The following NAALADL2 variants were observed in gnomAD, a reference collection of about 807,000 sequenced individuals.
NAALADL2 encodes N-acetylated alpha-linked acidic dipeptidase like 2, also known as inactive N-acetylated-alpha-linked acidic dipeptidase-like protein 2.
A neutral mutation model predicts 87.2 loss-of-function variants in NAALADL2; 76 were observed. The ratio of observed to expected loss-of-function variants is 0.87; its 90% CI spans 0.72 to 1.05. The LOEUF (loss-of-function observed/expected upper bound fraction) is 1.05, where lower values mean the gene tolerates loss of function less well. Among genes scored for constraint, NAALADL2 ranks in the 50% least tolerant of loss-of-function variants. NAALADL2 has a pLI of 0.00. For synonymous variants in NAALADL2, 354 were observed against 331.0 expected (o/e 1.07, Z -0.75); for missense variants, 1,089 against 945.8 (o/e 1.15, Z -1.99).
At chr3:175,070,486 G>A (rs2109143962) in intron 1 of NAALADL2, among the ~76,000 whole-genome samples, 2 of 152,130 alleles carry the variant, frequency 1.3e-5, no homozygotes, top group Middle Eastern at 3.4e-3. Flanking sequence ...TAATCTTCTA[G>A]TGTTGCTTCA....
intron 2 of NAALADL2, among the ~76,000 whole-genome samples, chr3:174,658,105 T>C (rs879460639): frequency 1.3e-5 from 2 of 152,174 alleles, no homozygotes; most frequent in Non-Finnish European, 2.9e-5. Flanking sequence ...TTCAGTTTTT[T>C]GTGTAGTTGT....
intron 1 of NAALADL2, among the ~76,000 whole-genome samples, chr3:175,049,034 G>A (rs1233211128): frequency 1.3e-5 from 2 of 151,998 alleles, no homozygotes; most frequent in Non-Finnish European, 2.9e-5. Context: ...TTATCCATGG[G>A]GATACATCCT....
chr3:175,650,800 T>C (rs1412607499), intron 11 of NAALADL2, among the ~76,000 whole-genome samples: 1 of 152,164 alleles, frequency 6.6e-6, no homozygotes, highest in Non-Finnish European at 1.5e-5. Flanking sequence ...ATACTTGACA[T>C]CCAGATCATC....
chr3:175,510,940 T>C (rs1413086776), intron 9 of NAALADL2, among the ~76,000 whole-genome samples: 1 of 152,182 alleles, frequency 6.6e-6, no homozygotes, highest in Non-Finnish European at 1.5e-5. Context: ...CTTAGTACTC[T>C]ACAAATGTTA....
At chr3:174,769,819 A>T (rs1166178997) in intron 3 of NAALADL2, among the ~76,000 whole-genome samples, 2 of 151,714 alleles carry the variant, frequency 1.3e-5, no homozygotes, top group African/African-American at 2.4e-5. Flanking sequence ...ATTATTTTAA[A>T]AATAGCTACA....
chr3:175,186,139 T>G (rs902064057), intron 2 of NAALADL2, among the ~76,000 whole-genome samples: 1 of 152,130 alleles, frequency 6.6e-6, no homozygotes, highest in Non-Finnish European at 1.5e-5. Flanking sequence ...ACTTGAGTGA[T>G]GTACGACATA....
rs772447340 is a variant in NAALADL2 at position 174,794,981 on chromosome 3, C to CTTTTTTT, written c.-9+57256_-9+57262dup. ...TTAAAAGTTGAAACTTCTAGTCCAGCTTTTTTTTTTTTTTTTTTTTTTTTT... is the reference window on the plus strand; with the variant it reads ...TTAAAAGTTGAAACTTCTAGTCCAGCTTTTTTTTTTTTTTTTTTTTTTTTTTTTTTTT... On this transcript the variant is annotated intron_variant, in intron 3 of 3. Transcript: ENST00000434257. Among the ~76,000 whole-genome samples the CTTTTTTT allele has an allele frequency of 4.9e-3, 327 of 66,704 alleles. 53 individuals carry two copies. The highest frequency in any genetic ancestry group is 6.2e-3 in the Non-Finnish European group (224 of 36,340). The allele number at this position is 66,704 out of a possible 152,430, so 43.8% of individuals were successfully genotyped here.
In NAALADL2 at chr3:175,463,411, C is replaced by A; in HGVS notation, c.1245C>A (p.Val415=). The A allele has an allele frequency of 1.3e-6, 2 of 1,579,200 alleles. No individual in the cohort carries two copies. Among genetic ancestry groups the A allele is most frequent in the African/African-American group, 1.4e-5 (1 of 73,978 alleles). The change falls in exon 7 of 14, where the codon GTC becomes GTA. Residue 415 remains valine, a synonymous_variant. Transcript: ENST00000454872. ...TTTTTATTTTTTCAGAAATAAGAGT[C>A]GTCAGCATGCAAGTTCAGACAGTCA... The part of the protein sequence containing the change: ...SLELPNNEIR[V]VSMQVQTVTK...
At chr3:175,655,391 T>A (rs1731316074) in intron 11 of NAALADL2, 1 of 278,740 alleles carries the variant, frequency 3.6e-6, no homozygotes, top group African/African-American at 2.3e-5. Flanking sequence ...TTATTGGAAA[T>A]CTCTAAGAAA....
At chr3:175,321,327 G>T in intron 4 of NAALADL2, among the ~76,000 whole-genome samples, 1 of 116,980 alleles carries the variant, frequency 8.5e-6, no homozygotes, top group Non-Finnish European at 1.7e-5. Context: ...GGTATTGATG[G>T]GACGTATCTC....
At chr3:174,911,519 G>C (rs1175566959) in intron 1 of NAALADL2, among the ~76,000 whole-genome samples, 1 of 152,072 alleles carries the variant, frequency 6.6e-6, no homozygotes, top group Non-Finnish European at 1.5e-5. Context: ...GTGCCCCAGT[G>C]CACTGCCTGC....
intron 2 of NAALADL2, among the ~76,000 whole-genome samples, chr3:175,211,564 C>T (rs1401965773): frequency 6.6e-6 from 1 of 151,872 alleles, no homozygotes; most frequent in Non-Finnish European, 1.5e-5. Context: ...ATATGTTGGC[C>T]ATTCCTACAG....
chr3:175,180,917 T>A (rs1736370183), intron 2 of NAALADL2, among the ~76,000 whole-genome samples: 1 of 152,026 alleles, frequency 6.6e-6, no homozygotes, highest in African/African-American at 2.4e-5. Flanking sequence ...CAAAGTCACA[T>A]AGGTGATAGA....
intron 1 of NAALADL2, among the ~76,000 whole-genome samples, chr3:175,012,600 A>G (rs1204894618): frequency 1.3e-5 from 2 of 152,128 alleles, no homozygotes; most frequent in African/African-American, 4.8e-5. Flanking sequence ...CTTCTAGAAT[A>G]ATGTTGAAAA....
intron 2 of NAALADL2, among the ~76,000 whole-genome samples, chr3:174,557,193 T>A (rs1712937876): frequency 6.6e-6 from 1 of 152,212 alleles, no homozygotes; most frequent in Non-Finnish European, 1.5e-5. Flanking sequence ...TCGGCCTTTT[T>A]ACTCTAATAA....
At chr3:174,574,480 ATATGT>A (rs1715306150) in intron 2 of NAALADL2, among the ~76,000 whole-genome samples, 1 of 152,046 alleles carries the variant, frequency 6.6e-6, no homozygotes, top group Non-Finnish European at 1.5e-5. Context: ...TATGAACATG[ATATGT>A]TATATTTGAT....
intron 1 of NAALADL2, among the ~76,000 whole-genome samples, chr3:174,521,332 G>A (rs1479385243): frequency 4.6e-5 from 7 of 152,016 alleles, no homozygotes; most frequent in Non-Finnish European, 7.4e-5. Context: ...GTTCGGGGCC[G>A]AGGCAGGCGG....
intron 11 of NAALADL2, among the ~76,000 whole-genome samples, chr3:175,712,236 C>G (rs1421591791): frequency 6.6e-6 from 1 of 151,902 alleles, no homozygotes; most frequent in Non-Finnish European, 1.5e-5. Context: ...TAAATTATGT[C>G]CTTTCTTCCC....
intron 5 of NAALADL2, among the ~76,000 whole-genome samples, chr3:175,400,458 A>G (rs183712848): frequency 5.3e-5 from 8 of 152,220 alleles, no homozygotes; most frequent in African/African-American, 1.9e-4. Context: ...CTTAATCTCT[A>G]CTGAAAAGTG....
Sources: allele counts gnomAD v4.1 joint callset (sites outside exome capture counted in the v4.1 genomes callset), GRCh38; gene constraint gnomAD v4.1.1; transcripts MANE v1.5; gene names NCBI Gene and HGNC (gene_info 2026-07-23, HGNC 2026-07-21).